RALYL: variants seen among roughly 807,000 people sequenced by gnomAD.
RALYL encodes the protein RNA-binding Raly-like protein.
A neutral mutation model predicts 35.1 loss-of-function variants in RALYL; 29 were observed. The ratio of observed to expected loss-of-function variants is 0.83; its 90% CI spans 0.61 to 1.13. The LOEUF is 1.13. RALYL is among the 50% of genes most tolerant of loss of function. The pLI, the probability that RALYL is intolerant of heterozygous loss-of-function variation, is 0.00. For synonymous variants in RALYL, 120 were observed against 127.6 expected, an observed-to-expected ratio of 0.94 and a Z score of 0.40; for missense variants, 359 against 360.4, an observed-to-expected ratio of 1.00 and a Z score of 0.03.
chr8:84,840,453 A>G (rs1406446663), intron 4 of RALYL, among the ~76,000 whole-genome samples: 1 of 152,242 alleles, frequency 6.6e-6, no homozygotes, highest in Non-Finnish European at 1.5e-5. Context: ...GCCTCCAAGT[A>G]ATATGGGACT....
intron 1 of RALYL, among the ~76,000 whole-genome samples, chr8:84,283,613 C>T (rs1438004045): frequency 6.6e-6 from 1 of 152,080 alleles, no homozygotes. Context: ...GAAGGAATCC[C>T]AGAACCAAAC....
At chr8:84,907,674 C>T (rs896931664) in intron 8 of RALYL, among the ~76,000 whole-genome samples, 1 of 151,916 alleles carries the variant, frequency 6.6e-6, no homozygotes, top group African/African-American at 2.4e-5. Context: ...ATGTATAGTA[C>T]CCTTTTGGTT....
chr8:84,525,061 C>T (rs1020507151), intron 1 of RALYL, among the ~76,000 whole-genome samples: 7 of 140,604 alleles, frequency 5.0e-5, no homozygotes, highest in African/African-American at 1.8e-4. Context: ...ATTAAAAATA[C>T]AGTGTCTTAA....
rs966616691 is a variant in RALYL, at chr8:84,567,525, G to A, written c.256+37948G>A. On this transcript the variant is annotated intron_variant, in intron 2 of 8. Transcript: ENST00000521268. Reference sequence around the variant, plus strand: ...CATCACCATCTATATTGCCACAAAGGAAACAATTTCATTTTTTATGGCTAC... The same window carrying A: ...CATCACCATCTATATTGCCACAAAGAAAACAATTTCATTTTTTATGGCTAC... Among the ~76,000 whole-genome samples, 10 of 151,662 alleles carry A rather than the reference G, an allele frequency of 6.6e-5. No individual in the cohort carries two copies. In the East Asian group the frequency reaches 7.7e-4, roughly 12 times the overall value.
chr8:84,574,711 T>C (rs1190704294), intron 2 of RALYL, among the ~76,000 whole-genome samples: 2 of 152,124 alleles, frequency 1.3e-5, no homozygotes, highest in African/African-American at 4.8e-5. Flanking sequence ...TTCCTATATA[T>C]GTAGACAATG....
Position 84,405,443 on chromosome 8 carries a change from A to T in RALYL, c.-23-123856A>T, listed in dbSNP as rs190661573. Among the ~76,000 whole-genome samples, 9 of 152,298 alleles carry T rather than the reference A, an allele frequency of 5.9e-5. No homozygotes were observed. The East Asian group carries it at 1.7e-3, about 29-fold the overall frequency. On this transcript the variant is annotated intron_variant, in intron 1 of 8. Transcript: ENST00000521268. ...GAGGTGTTTTTTTGAAAAGATTAAC[A>T]AAATAGATAGACCACTAGCCAGACT... is the stretch of plus-strand genomic sequence containing the variant.
chr8:84,840,857 C>G (rs1400020174), intron 4 of RALYL, among the ~76,000 whole-genome samples: 1 of 152,126 alleles, frequency 6.6e-6, no homozygotes, highest in Non-Finnish European at 1.5e-5. Flanking sequence ...ATTTCATATC[C>G]AGCCAAACTA....
At chr8:84,327,993 A>G (rs1409342483) in intron 1 of RALYL, among the ~76,000 whole-genome samples, 3 of 152,226 alleles carry the variant, frequency 2.0e-5, no homozygotes, top group African/African-American at 7.2e-5. Flanking sequence ...TTGCTTAAGG[A>G]GGGAAAGGAG....
intron 2 of RALYL, among the ~76,000 whole-genome samples, chr8:84,756,444 C>A (rs1011777143): frequency 6.6e-6 from 1 of 152,122 alleles, no homozygotes; most frequent in African/African-American, 2.4e-5. Flanking sequence ...ATCCTAGTCA[C>A]AAGCTGCTCC....
chr8:84,510,866 A>G (rs888017511), intron 1 of RALYL, among the ~76,000 whole-genome samples: 23 of 152,044 alleles, frequency 1.5e-4, no homozygotes, highest in African/African-American at 9.7e-5. Context: ...GTTTTGATAT[A>G]TGTATACAAT....
rs1168675285 is a variant in RALYL at position 84,921,836 on chromosome 8, T to G, written c.*925T>G. On this transcript the variant is annotated 3_prime_UTR_variant, in exon 9 of 9. Coordinates refer to ENST00000521268, the MANE Select transcript of RALYL (RefSeq NM_173848.7). ...ATTTCTTAATAAATACTGTTTCTTT[T>G]AAAACAAAGTTGGTGTGTATCTTTC... 1 of 152,230 alleles carries G rather than the reference T, an allele frequency of 6.6e-6. No homozygotes were observed. The highest frequency in any genetic ancestry group is 1.5e-5 in the Non-Finnish European group (1 of 68,028). 9.4% of individuals were successfully genotyped at this position (152,230 alleles called of 1,614,324 possible). A position where few individuals can be genotyped will look rare whatever the true frequency, so the allele number is the denominator to read the frequency against.
chr8:84,551,003 A>T (rs1028976866), intron 2 of RALYL, among the ~76,000 whole-genome samples: 8 of 152,064 alleles, frequency 5.3e-5, no homozygotes, highest in Admixed American at 6.6e-5. Context: ...CATAAACAAG[A>T]TTTTTTAAGG....
At chr8:84,830,400 G>A (rs562214533) in intron 4 of RALYL, among the ~76,000 whole-genome samples, 26 of 152,118 alleles carry the variant, frequency 1.7e-4, no homozygotes, top group African/African-American at 5.1e-4. Context: ...TGGGGGGTGG[G>A]GGTCTAACAC....
chr8:84,704,662 A>G (rs1840867037), intron 2 of RALYL, among the ~76,000 whole-genome samples: 1 of 152,182 alleles, frequency 6.6e-6, no homozygotes, highest in Non-Finnish European at 1.5e-5. Flanking sequence ...ACTATGCCCT[A>G]AAGCAAGATA....
rs554608755 is a variant in RALYL at position 84,269,322 on chromosome 8, G to A, written c.-24+84898G>A. On this transcript the variant is annotated intron_variant, in intron 1 of 8. Transcript: ENST00000521268. ...CATGGCACACTGAATGCTTTAGTAAGCAATTGCATTATTCAACAGAAGTCT... is the reference window on the plus strand; with the variant it reads ...CATGGCACACTGAATGCTTTAGTAAACAATTGCATTATTCAACAGAAGTCT... Among the ~76,000 whole-genome samples, 47 of 152,250 alleles carry A rather than the reference G, an allele frequency of 3.1e-4. No individual in the cohort carries two copies. The South Asian group carries it at 9.7e-3, about 32-fold the overall frequency.
intron 2 of RALYL, among the ~76,000 whole-genome samples, chr8:84,536,753 G>A (rs1053768989): frequency 6.6e-6 from 1 of 152,170 alleles, no homozygotes; most frequent in Non-Finnish European, 1.5e-5. Flanking sequence ...TTTTGCCTCA[G>A]TGTCTAAAGA....
chr8:84,257,290 C>T (rs1563621580), intron 1 of RALYL, among the ~76,000 whole-genome samples: 1 of 152,006 alleles, frequency 6.6e-6, no homozygotes, highest in Non-Finnish European at 1.5e-5. Flanking sequence ...GGTAGAGCCC[C>T]ACTTTCAGCA....
At chr8:84,550,640 T>G (rs892054891) in intron 2 of RALYL, among the ~76,000 whole-genome samples, 31 of 151,752 alleles carry the variant, frequency 2.0e-4, no homozygotes, top group African/African-American at 7.5e-4. Context: ...AGAGCAAAAG[T>G]AGGCTTATAT....
chr8:84,726,192 C>T (rs1844913098), intron 2 of RALYL, among the ~76,000 whole-genome samples: 2 of 147,462 alleles, frequency 1.4e-5, no homozygotes, highest in South Asian at 2.1e-4. Flanking sequence ...CTAGATCACA[C>T]TTATATAAAA....
Sources: gnomAD v4.1 joint callset for allele counts (sites outside exome capture counted in the v4.1 genomes callset) on GRCh38, gnomAD v4.1.1 for gene constraint, MANE v1.5 for transcripts, NCBI Gene and HGNC (gene_info 2026-07-23, HGNC 2026-07-21) for gene names.